The following MAP7 variants were observed in gnomAD, a reference collection of about 807,000 sequenced individuals.
The protein encoded by MAP7 is ensconsin.
Under a neutral mutation model 94.8 loss-of-function variants are expected in MAP7, and 52 were observed. The ratio of observed to expected loss-of-function variants is 0.55; its 90% CI spans 0.44 to 0.69. MAP7 has a LOEUF of 0.69. MAP7 is among the 30% of genes least tolerant of loss of function. The probability of loss-of-function intolerance (pLI) is 0.00; values close to 1 mark genes in which losing one functional copy is unlikely to be tolerated. For synonymous variants in MAP7, 350 were observed against 357.0 expected (o/e 0.98, Z 0.22); for missense variants, 940 against 964.6 (o/e 0.97, Z 0.34).
chr6:136,368,752 G>A (rs191386612), intron 8 of MAP7, among the ~76,000 whole-genome samples: 88 of 150,722 alleles, frequency 5.8e-4, no homozygotes, highest in Non-Finnish European at 1.1e-3. Context: ...AGAAATTAAA[G>A]GCAACACAAA....
chr6:136,441,877 TG>T (rs1421655446), intron 1 of MAP7, among the ~76,000 whole-genome samples: 4 of 152,074 alleles, frequency 2.6e-5, no homozygotes, highest in African/African-American at 9.7e-5. Flanking sequence ...TTGGGCATGG[TG>T]GTGCATGCCT....
chr6:136,372,304 C>T (rs1209448989), intron 8 of MAP7, among the ~76,000 whole-genome samples, 197 bp downstream of exon 8: 1 of 152,182 alleles, frequency 6.6e-6, no homozygotes, highest in East Asian at 1.9e-4. Context: ...TTAGGGAGAG[C>T]AAAATCCCCA....
chr6:136,480,241 C>A (rs576451326), intron 1 of MAP7, among the ~76,000 whole-genome samples: 61 of 152,168 alleles, frequency 4.0e-4, no homozygotes, highest in African/African-American at 1.4e-3. Flanking sequence ...CATAAACTGG[C>A]AAAAGGACTG....
intron 1 of MAP7, among the ~76,000 whole-genome samples, chr6:136,522,899 G>C (rs1285948974): frequency 6.6e-6 from 1 of 152,176 alleles, no homozygotes; most frequent in African/African-American, 2.4e-5. Context: ...GTTGGGTGTG[G>C]TGGCATGTGC....
chr6:136,406,285 T>A (rs1322239941), intron 3 of MAP7, among the ~76,000 whole-genome samples: 1 of 152,210 alleles, frequency 6.6e-6, no homozygotes, highest in Admixed American at 6.5e-5. Context: ...AACACTTACA[T>A]TTTAACCACT....
intron 1 of MAP7, among the ~76,000 whole-genome samples, chr6:136,434,457 G>A (rs1017092201): frequency 6.6e-6 from 1 of 152,032 alleles, no homozygotes; most frequent in Non-Finnish European, 1.5e-5. Context: ...TATGCTTAGC[G>A]TAACAAGCAG....
At chr6:136,519,888 G>T (rs925380272) in intron 1 of MAP7, among the ~76,000 whole-genome samples, 1 of 152,066 alleles carries the variant, frequency 6.6e-6, no homozygotes, top group Non-Finnish European at 1.5e-5. Flanking sequence ...AAAGAAAAAT[G>T]AATAGCATGA....
At chr6:136,424,968 C>A (rs965393327) in intron 1 of MAP7, among the ~76,000 whole-genome samples, 1 of 152,204 alleles carries the variant, frequency 6.6e-6, no homozygotes, top group South Asian at 2.1e-4. Flanking sequence ...AGTCCCTTAT[C>A]CATGGAGGAA....
chr6:136,402,224 C>T (rs141619602), intron 3 of MAP7, among the ~76,000 whole-genome samples: 144 of 152,334 alleles, frequency 9.5e-4, no homozygotes, highest in African/African-American at 3.2e-3. Flanking sequence ...ACACTCCAGA[C>T]GGTAGCTACT....
At chr6:136,387,169 AAG>A (rs1192412924) in intron 5 of MAP7, among the ~76,000 whole-genome samples, 2 of 152,206 alleles carry the variant, frequency 1.3e-5, no homozygotes, top group South Asian at 2.1e-4. Flanking sequence ...TTAACAATGA[AAG>A]AGAACAGAAT....
At chr6:136,376,309 A>G (rs1201350106) in intron 7 of MAP7, among the ~76,000 whole-genome samples, 1 of 150,544 alleles carries the variant, frequency 6.6e-6, no homozygotes, top group Non-Finnish European at 1.5e-5. Context: ...CGTGTTAGCC[A>G]GGATGGTCTC....
At chr6:136,404,909 A>G (rs1785143811) in intron 3 of MAP7, among the ~76,000 whole-genome samples, 1 of 152,192 alleles carries the variant, frequency 6.6e-6, no homozygotes, top group Non-Finnish European at 1.5e-5. Flanking sequence ...TATGAAGAGG[A>G]AAATTTAAGG....
rs572103633 is a variant in MAP7, at chr6:136,350,639, G to A, written c.2016-4560C>T. On this transcript the variant is annotated intron_variant, in intron 16 of 17. Coordinates refer to ENST00000354570, the MANE Select transcript of MAP7 (RefSeq NM_003980.6). ...GGTGGGATGACTGCTTAAGGCCAGA[G>A]GCCAAGAGTTTGAGACTAGCCTGGG... 9.8e-5 allele frequency among the ~76,000 whole-genome samples: 15 copies of A among 152,318 alleles called. No individual in the cohort carries two copies. In the East Asian group the frequency reaches 2.7e-3, roughly 27 times the overall value.
Position 136,362,479 on chromosome 6 carries a change from C to G in MAP7, c.1497G>C (p.Arg499Ser). 6.2e-7 allele frequency: 1 copy of G among 1,614,188 alleles called. No individual in the cohort carries two copies. Among genetic ancestry groups the G allele is most frequent in the Non-Finnish European group, 8.5e-7 (1 of 1,180,032 alleles). Residue 499 changes from arginine to serine, a missense_variant, in exon 11 of 18, where the codon AGG becomes AGC. Transcript: ENST00000354570. Reference protein sequence around the residue: ...LAREQREKEERERREQEELER... With the variant: ...LAREQREKEESERREQEELER... ...CAAGCTCTTCCTGCTCCCTCCTCTC[C>G]CTTTCTTCCTTTTCTCTCTGCTCTC...
At chr6:136,535,196 C>T (rs1409175522) in intron 1 of MAP7, among the ~76,000 whole-genome samples, 1 of 152,048 alleles carries the variant, frequency 6.6e-6, no homozygotes, top group Non-Finnish European at 1.5e-5. Context: ...AGTAAGTTCT[C>T]CCTCAGTTAG....
chr6:136,489,150 C>T (rs894196344), intron 1 of MAP7, among the ~76,000 whole-genome samples: 3 of 149,484 alleles, frequency 2.0e-5, no homozygotes, highest in African/African-American at 5.1e-5. Context: ...ATATCTCTAC[C>T]TTCCAAGAGT....
chr6:136,400,199 G>A (rs1185457119), intron 3 of MAP7, among the ~76,000 whole-genome samples: 2 of 151,868 alleles, frequency 1.3e-5, no homozygotes, highest in East Asian at 1.9e-4. Context: ...GGCAGATCAC[G>A]AGGTCAGGAG....
intron 3 of MAP7, among the ~76,000 whole-genome samples, chr6:136,402,228 A>G (rs1289194285): frequency 2.0e-5 from 3 of 152,230 alleles, no homozygotes; most frequent in African/African-American, 7.2e-5. Flanking sequence ...TCCAGACGGT[A>G]GCTACTCTGC....
intron 1 of MAP7, among the ~76,000 whole-genome samples, chr6:136,425,346 G>A (rs1469489929): frequency 1.3e-5 from 2 of 152,198 alleles, no homozygotes; most frequent in African/African-American, 4.8e-5. Context: ...GGACTTTGTG[G>A]GCATACAGCC....
Sources: allele counts gnomAD v4.1 joint callset (sites outside exome capture counted in the v4.1 genomes callset), GRCh38; gene constraint gnomAD v4.1.1; transcripts MANE v1.5; gene names NCBI Gene and HGNC (gene_info 2026-07-23, HGNC 2026-07-21).